The following DNAJC12 variants were observed in gnomAD, a reference collection of about 807,000 sequenced individuals.
The protein encoded by DNAJC12 is DnaJ heat shock protein family (Hsp40) member C12.
A neutral mutation model predicts 28.5 loss-of-function variants in DNAJC12; 25 were observed. The ratio of observed to expected loss-of-function variants is 0.88; its 90% CI spans 0.64 to 1.22. The LOEUF is 1.22. Among genes scored for constraint, DNAJC12 ranks in the 50% most tolerant of loss-of-function variants. The pLI is 0.00. For synonymous variants in DNAJC12, 77 were observed against 80.6 expected (o/e 0.95, Z 0.24); for missense variants, 222 against 231.7 (o/e 0.96, Z 0.27).
chr10:67,823,526 C>G, intron 1 of DNAJC12, 134 bp from the exon 2 acceptor site: 1 of 660,206 alleles, frequency 1.5e-6, no homozygotes, highest in Non-Finnish European at 2.6e-6. Flanking sequence ...CAAAGCAAGA[C>G]CCAGTCTCTA....
At chr10:67,803,658 T>A (rs1388274525) in intron 4 of DNAJC12, among the ~76,000 whole-genome samples, 1 of 152,216 alleles carries the variant, frequency 6.6e-6, no homozygotes, top group Non-Finnish European at 1.5e-5. Context: ...AATTTTGGTG[T>A]GCACAGACTT....
intron 4 of DNAJC12, among the ~76,000 whole-genome samples, chr10:67,798,993 G>A (rs185883015): frequency 1.6e-4 from 25 of 152,090 alleles, no homozygotes; most frequent in African/African-American, 5.1e-4. Flanking sequence ...TCAAATTCCT[G>A]ACCTCAGGTG....
intron 2 of DNAJC12, among the ~76,000 whole-genome samples, chr10:67,820,335 A>C (rs1219415180): frequency 1.3e-5 from 2 of 152,238 alleles, no homozygotes; most frequent in Non-Finnish European, 2.9e-5. Context: ...TATAACACAG[A>C]CATAATGCAA....
At chr10:67,828,518 G>A (rs1842059562) in intron 1 of DNAJC12, among the ~76,000 whole-genome samples, 1 of 152,126 alleles carries the variant, frequency 6.6e-6, no homozygotes. Flanking sequence ...ATGACTTCCT[G>A]TTAGGAACTG....
intron 4 of DNAJC12, among the ~76,000 whole-genome samples, chr10:67,805,309 A>G (rs1841787969): frequency 6.6e-6 from 1 of 152,170 alleles, no homozygotes; most frequent in Admixed American, 6.5e-5. Flanking sequence ...AAACTAATAT[A>G]TGTAAAGAGT....
intron 4 of DNAJC12, among the ~76,000 whole-genome samples, chr10:67,802,440 C>T (rs1841756405): frequency 6.6e-6 from 1 of 152,200 alleles, no homozygotes; most frequent in Non-Finnish European, 1.5e-5. Context: ...TCACCAATTA[C>T]AGCTTGCTAG....
At chr10:67,837,187 A>G (rs2131819784) in intron 1 of DNAJC12, among the ~76,000 whole-genome samples, 1 of 152,136 alleles carries the variant, frequency 6.6e-6, no homozygotes, top group South Asian at 2.1e-4. Flanking sequence ...TACATATAAT[A>G]TCCTCCCAAA....
chr10:67,829,363 G>A (rs368354660), intron 1 of DNAJC12, among the ~76,000 whole-genome samples: 3 of 152,178 alleles, frequency 2.0e-5, no homozygotes, highest in South Asian at 2.1e-4. Flanking sequence ...CTGTCAGGCC[G>A]GGTGCGGTGG....
chr10:67,799,120 A>G (rs1407371834), intron 4 of DNAJC12, among the ~76,000 whole-genome samples: 3 of 152,154 alleles, frequency 2.0e-5, no homozygotes, highest in Non-Finnish European at 4.4e-5. Context: ...TTTTTCTGCA[A>G]TAAACATCTA....
chr10:67,836,441 G>A (rs1217801549), intron 1 of DNAJC12, among the ~76,000 whole-genome samples: 1 of 150,868 alleles, frequency 6.6e-6, no homozygotes, highest in African/African-American at 2.4e-5. Context: ...GTATAAGCTA[G>A]CATGTATTTT....
chr10:67,827,896 C>T (rs1564866385), intron 1 of DNAJC12, among the ~76,000 whole-genome samples: 3 of 152,082 alleles, frequency 2.0e-5, no homozygotes, highest in Non-Finnish European at 4.4e-5. Flanking sequence ...TACAAAGCTT[C>T]CATAGAGCTG....
At chr10:67,833,918 T>A (rs146441168) in intron 1 of DNAJC12, 32 of 476,838 alleles carry the variant, frequency 6.7e-5, no homozygotes, top group African/African-American at 6.1e-4. Flanking sequence ...ATTACTGAGG[T>A]GAGTTTGAAC....
rs562287768 is a variant in DNAJC12 at position 67,813,576 on chromosome 10, C to T, written c.158-1913G>A. 1.8e-3 allele frequency among the ~76,000 whole-genome samples: 267 copies of T among 149,030 alleles called. 2 individuals carry two copies. Among genetic ancestry groups the T allele is most frequent in the Middle Eastern group, 3.5e-3 (1 of 286 alleles). On this transcript the variant is annotated intron_variant, in intron 2 of 4. Coordinates refer to ENST00000225171, the MANE Select transcript of DNAJC12 (RefSeq NM_021800.3). ...CAGTCTGGCCAACATGGTGAAACCC[C>T]GTCTCTACTAAAAATACAAAAAAAA... is the stretch of plus-strand genomic sequence containing the variant.
Position 67,811,532 on chromosome 10 carries a change from C to A in DNAJC12, c.289G>T (p.Val97Leu). 5 of 1,614,192 alleles carry A rather than the reference C, an allele frequency of 3.1e-6. No homozygotes were observed. Among genetic ancestry groups the A allele is most frequent in the Non-Finnish European group, 4.2e-6 (5 of 1,180,028 alleles). The change falls in exon 3 of 5, where the codon GTG becomes TTG. Residue 97 changes from valine (V) to leucine (L), a missense_variant. By Grantham distance (32) the Val-to-Leu change is conservative (BLOSUM62 1). Coordinates refer to ENST00000225171, the MANE Select transcript of DNAJC12 (RefSeq NM_021800.3). ...FQQWEALNDS[V>L]KTSMHWVVRG... ...CCCAGCGAGAAACCCACCGTCTTCA[C>A]TGAGTCATTCAAAGCTTCCCACTGC...
intron 3 of DNAJC12, among the ~76,000 whole-genome samples, chr10:67,809,291 T>C (rs1250962249): frequency 6.6e-6 from 1 of 152,156 alleles, no homozygotes; most frequent in East Asian, 1.9e-4. Flanking sequence ...TGGGTCTCTT[T>C]GGGTAAAACC....
At chr10:67,837,178 A>G (rs535568316) in intron 1 of DNAJC12, among the ~76,000 whole-genome samples, 21 of 152,048 alleles carry the variant, frequency 1.4e-4, no homozygotes, top group Non-Finnish European at 2.6e-4. Context: ...ATCAACAAGT[A>G]CATATAATAT....
At chr10:67,833,533 C>T (rs1842114173) in intron 1 of DNAJC12, among the ~76,000 whole-genome samples, 1 of 152,154 alleles carries the variant, frequency 6.6e-6, no homozygotes, top group South Asian at 2.1e-4. Flanking sequence ...CCTACACACC[C>T]TACTTGCCTC....
chr10:67,804,948 C>G (rs1200668874), intron 4 of DNAJC12, among the ~76,000 whole-genome samples: 4 of 152,176 alleles, frequency 2.6e-5, no homozygotes, highest in Admixed American at 2.0e-4. Context: ...ACAAGAATCA[C>G]TTGAACCCAG....
intron 2 of DNAJC12, among the ~76,000 whole-genome samples, chr10:67,814,574 C>T (rs943393175): frequency 6.6e-6 from 1 of 152,054 alleles, no homozygotes; most frequent in Non-Finnish European, 1.5e-5. Flanking sequence ...AGTGAAATGA[C>T]AAACCATGGA....
Sources: allele counts gnomAD v4.1 joint callset (sites outside exome capture counted in the v4.1 genomes callset), GRCh38; gene constraint gnomAD v4.1.1; transcripts MANE v1.5; gene names NCBI Gene and HGNC (gene_info 2026-07-23, HGNC 2026-07-21).